SPEG: variants seen among roughly 807,000 people sequenced by gnomAD.
SPEG encodes striated muscle preferentially expressed protein kinase.
In SPEG, 114 loss-of-function variants were observed where a neutral mutation model predicts 300.4. That is an observed-to-expected ratio of 0.38 (90% CI 0.33 to 0.44). The LOEUF is 0.44. SPEG is among the 20% of genes least tolerant of loss of function. The probability of loss-of-function intolerance (pLI) is 1.00; values close to 1 mark genes in which losing one functional copy is unlikely to be tolerated. For synonymous variants in SPEG, 1,964 were observed against 2,018.9 expected, an observed-to-expected ratio of 0.97 and a Z score of 0.73; for missense variants, 4,201 against 4,586.2, an observed-to-expected ratio of 0.92 and a Z score of 2.43.
At position 219,473,434 on chromosome 2, in the gene SPEG, T is replaced by A. The variant is rs1468349995; in HGVS notation, c.4148-70T>A. 3.5e-6 allele frequency: 5 copies of A among 1,446,972 alleles called. No homozygotes were observed. The East Asian group carries it at 6.8e-5, about 20-fold the overall frequency. 89.6% of individuals were successfully genotyped at this position (1,446,972 alleles called of 1,614,324 possible). A position where few individuals can be genotyped will look rare whatever the true frequency, so the allele number is the denominator to read the frequency against. On this transcript the variant is annotated intron_variant, in intron 16 of 40. Coordinates refer to ENST00000312358, the MANE Select transcript of SPEG (RefSeq NM_005876.5). The surrounding 1 kb of genome is among the most constrained non-coding windows in gnomAD (Gnocchi z 4.6). The stretch of plus-strand genomic sequence containing the variant: ...GGAACTCAAGTGTTGATGAGGGGTG[T>A]TAGAGGAGTGGTGGGTGCTGAGGAC...
chr2:219,462,540 C>T lies in SPEG; in HGVS notation c.2705+154C>T, dbSNP rs34553082. The stretch of plus-strand genomic sequence containing the variant: ...CTCAGGGACAGCAGTGTACTCCCCC[C>T]GGCACCCTGTCCCTTGCCCCATGTT... On this transcript the variant is annotated intron_variant, in intron 8 of 40. Coordinates refer to ENST00000312358, the MANE Select transcript of SPEG (RefSeq NM_005876.5). 0.41 allele frequency among the ~76,000 whole-genome samples: 62,229 copies of T among 152,204 alleles called. 15,482 individuals carry two copies. Among genetic ancestry groups the T allele is most frequent in the East Asian group, 0.67 (3,449 of 5,176 alleles).
In SPEG at chr2:219,448,305, C is replaced by A. The variant is rs569504731; in HGVS notation, c.1147C>A (p.Arg383Ser). 2.5e-6 allele frequency: 4 copies of A among 1,607,752 alleles called. No individual in the cohort carries two copies. In the South Asian group the frequency reaches 3.3e-5, roughly 13 times the overall value. Residue 383 changes from arginine to serine, a missense_variant, in exon 4 of 41, where the codon CGC (arginine) becomes AGC (serine). Arg to Ser is a moderately radical substitution (Grantham distance 110). Around this residue, in one of 4 missense-constraint regions of SPEG, gnomAD observed 1,258 missense variants for 1,293.9 expected, o/e 0.97. Transcript: ENST00000312358. ...GACGCCACTGAGCGAGGCCTCAGGCCGCCTGTCGGCGTTGGGCCGATCGCC... is the reference window on the plus strand; with the variant it reads ...GACGCCACTGAGCGAGGCCTCAGGCAGCCTGTCGGCGTTGGGCCGATCGCC... ...PQTPLSEASG[R>S]LSALGRSPRL... is the part of the protein sequence containing the mutation.
At chr2:219,491,046 C>A in intron 38 of SPEG, 90 bp downstream of exon 38, 1 of 928,100 alleles carries the variant, frequency 1.1e-6, no homozygotes, top group Non-Finnish European at 1.7e-6. Flanking sequence ...TACATATGTG[C>A]CACTTATTGA....
chr2:219,460,859 G>T, intron 6 of SPEG: 1 of 986,310 alleles, frequency 1.0e-6, no homozygotes, highest in Non-Finnish European at 1.2e-6. Flanking sequence ...AGTGGGGCTG[G>T]GCAGGCTGGA....
Position 219,485,379 on chromosome 2 carries a change from G to A in SPEG, c.7643G>A (p.Gly2548Asp), listed in dbSNP as rs1368161482. 1 of 1,607,140 alleles carries A rather than the reference G, an allele frequency of 6.2e-7. No homozygotes were observed. Among genetic ancestry groups the A allele is most frequent in the South Asian group, 1.1e-5 (1 of 90,304 alleles). ...PGESRSRLRWGFSRPRKDKGL... is the reference protein window; with the variant it reads ...PGESRSRLRWDFSRPRKDKGL... The stretch of plus-strand genomic sequence containing the variant: ...GAAAGCCGAAGCCGGCTCCGCTGGG[G>A]CTTCTCTCGGCCGCGGAAGGACAAG... Residue 2548 changes from glycine (G) to aspartate (D), a missense_variant, in exon 31 of 41, where the codon GGC becomes GAC. By Grantham distance (94) the Gly-to-Asp change is moderately conservative (BLOSUM62 -1). Around this residue, in one of 4 missense-constraint regions of SPEG, gnomAD observed 1,578 missense variants for 1,506.0 expected, o/e 1.05. Transcript: ENST00000312358.
rs564483979 is a variant in SPEG, at chr2:219,448,919, G to A, written c.1761G>A (p.Gln587=). 1.4e-6 allele frequency: 2 copies of A among 1,477,394 alleles called. No individual in the cohort carries two copies. The highest frequency in any genetic ancestry group is 1.3e-5 in the South Asian group (1 of 75,800). The allele number at this position is 1,477,394 out of a possible 1,614,324, so 91.5% of individuals were successfully genotyped here. A position where few individuals can be genotyped will look rare whatever the true frequency, so the allele number is the denominator to read the frequency against. Residue 587 remains glutamine (Q), a synonymous_variant, in exon 4 of 41, where the codon CAG becomes CAA. Transcript: ENST00000312358. ...GGACAGAGCCGGGGGAAGGCCCGCA[G>A]CAGGAGGTTAGGCGTCGGGACCAAT... ...AGRTEPGEGP[Q]QEVRRRDQFP... is the part of the protein sequence containing the mutation.
intron 31 of SPEG, 79 bp downstream of exon 31, chr2:219,485,556 G>A (rs887859122): frequency 1.4e-6 from 2 of 1,441,570 alleles, no homozygotes; most frequent in African/African-American, 2.9e-5. Flanking sequence ...GTCATGGCTG[G>A]TGAGAGGTGG....
intron 9 of SPEG, chr2:219,466,302 G>C: frequency 7.0e-7 from 1 of 1,419,676 alleles, no homozygotes; most frequent in Non-Finnish European, 9.2e-7. Context: ...GAGGCCCACA[G>C]ATGGACTGAG....
In SPEG at chr2:219,479,604, G is replaced by A. The variant is rs557397056; in HGVS notation, c.5086-179G>A. ...CGCAATGGCTCCTCCCTATAATTGT[G>A]CTGTACCCTCCGGTGCATATGGTAG... On this transcript the variant is annotated intron_variant, in intron 23 of 40. Coordinates refer to ENST00000312358, the MANE Select transcript of SPEG (RefSeq NM_005876.5). This position sits in a 1 kb window ranked among gnomAD's most constrained non-coding sequence, Gnocchi z 5.5. 6.6e-6 allele frequency among the ~76,000 whole-genome samples: 1 copy of A among 152,278 alleles called. No individual in the cohort carries two copies. Among genetic ancestry groups the A allele is most frequent in the East Asian group, 1.9e-4 (1 of 5,186 alleles).
chr2:219,451,420 G>T lies in SPEG; in HGVS notation c.2257+141G>T. On this transcript the variant is annotated intron_variant, in intron 5 of 40. Transcript: ENST00000312358. The surrounding 1 kb of genome is among the most constrained non-coding windows in gnomAD (Gnocchi z 6.4). ...CCCTCCACGGGGGCTGCCCTGACTT[G>T]GGTGTGTGTTCAGGGACATTTCTCA... 7.9e-7 allele frequency: 1 copy of T among 1,270,416 alleles called. No individual in the cohort carries two copies. Among genetic ancestry groups the T allele is most frequent in the Non-Finnish European group, 1.1e-6 (1 of 947,446 alleles). 78.7% of individuals were successfully genotyped at this position (1,270,416 alleles called of 1,614,324 possible).
At chr2:219,472,115 C>T in intron 14 of SPEG, 112 bp from the exon 15 acceptor site, 1 of 1,517,418 alleles carries the variant, frequency 6.6e-7, no homozygotes, top group Admixed American at 1.8e-5. Flanking sequence ...CTTGCCTTGC[C>T]CCTGCCCCTG....
Position 219,483,668 on chromosome 2 carries a change from G to A in SPEG, c.6205G>A (p.Ala2069Thr). ...GEGEYAQRLQ[A>T]LRQRLLRGGP... ...GGGCGAGTATGCCCAGAGGCTGCAGGCCCTGCGCCAGCGGCTGCTGCGGGG... is the reference window on the plus strand; with the variant it reads ...GGGCGAGTATGCCCAGAGGCTGCAGACCCTGCGCCAGCGGCTGCTGCGGGG... The change falls in exon 30 of 41, where the codon GCC (alanine) becomes ACC (threonine). Residue 2069 changes from alanine (A) to threonine (T), a missense_variant. Physicochemically the swap from Ala to Thr is moderately conservative, Grantham distance 58 (BLOSUM62 0). Around this residue, in one of 4 missense-constraint regions of SPEG, gnomAD observed 1,578 missense variants for 1,506.0 expected, o/e 1.05. Coordinates refer to ENST00000312358, the MANE Select transcript of SPEG (RefSeq NM_005876.5). The A allele has an allele frequency of 6.5e-7, 1 of 1,534,034 alleles. No individual in the cohort carries two copies. The highest frequency in any genetic ancestry group is 8.7e-7 in the Non-Finnish European group (1 of 1,146,888).
intron 34 of SPEG, 57 bp downstream of exon 34, chr2:219,488,957 T>C (rs1693706238): frequency 6.3e-7 from 1 of 1,598,532 alleles, no homozygotes; most frequent in Non-Finnish European, 8.5e-7. Flanking sequence ...TAGAGGAGTC[T>C]GGTAAGGCCA....
Position 219,469,360 on chromosome 2 carries a change from C to A in SPEG, c.3696C>A (p.Asp1232Glu). The change falls in exon 13 of 41, where the codon GAC becomes GAA. Residue 1232 changes from aspartate to glutamate, a missense_variant. This residue lies in a region of SPEG where 1,047 missense variants were observed against 1,356.8 expected (regional missense o/e 0.77). Transcript: ENST00000312358. Reference protein sequence around the residue: ...FHNGHRIQSSDDRRMTQYRDV... With the variant: ...FHNGHRIQSSEDRRMTQYRDV... Reference sequence around the variant, plus strand: ...ATGGCCACCGCATCCAGAGCAGCGACGACCGGCGCATGACACAGTGTACGT... The same window carrying A: ...ATGGCCACCGCATCCAGAGCAGCGAAGACCGGCGCATGACACAGTGTACGT... The A allele has an allele frequency of 6.2e-7, 1 of 1,613,580 alleles. No homozygotes were observed. Among genetic ancestry groups the A allele is most frequent in the Admixed American group, 1.7e-5 (1 of 60,002 alleles).
chr2:219,447,374 G>A (rs559568853), intron 3 of SPEG, among the ~76,000 whole-genome samples: 8 of 152,278 alleles, frequency 5.3e-5, no homozygotes, highest in South Asian at 2.1e-4. Context: ...CAGTGCTCGG[G>A]GTGGCGGCAG....
At position 219,476,965 on chromosome 2, in the gene SPEG, G is replaced by T. The variant is rs769128816; in HGVS notation, c.4543G>T (p.Asp1515Tyr). 2 of 1,610,700 alleles carry T rather than the reference G, an allele frequency of 1.2e-6. No individual in the cohort carries two copies. Among genetic ancestry groups the T allele is most frequent in the Admixed American group, 3.3e-5 (2 of 59,790 alleles). Reference protein sequence around the residue: ...AVVVEGKPLPDIMWYKDEVLL... With the variant: ...AVVVEGKPLPYIMWYKDEVLL... The stretch of plus-strand genomic sequence containing the variant: ...GGTGGTCGAGGGAAAACCACTGCCG[G>T]ACATCATGTGGTACAAGGTCAGAGT... The change falls in exon 19 of 41, where the codon GAC becomes TAC. Residue 1515 changes from aspartate to tyrosine, a missense_variant. Physicochemically the swap from Asp to Tyr is radical, Grantham distance 160. Coordinates refer to ENST00000312358, the MANE Select transcript of SPEG (RefSeq NM_005876.5).
chr2:219,454,281 G>A (rs1317222174), intron 6 of SPEG, among the ~76,000 whole-genome samples: 1 of 152,136 alleles, frequency 6.6e-6, no homozygotes, highest in East Asian at 1.9e-4. Context: ...AAAGGAGCTG[G>A]TCCTCACCAG....
Position 219,488,197 on chromosome 2 carries a change from T to TC in SPEG, c.7751dup (p.Val2585SerfsTer72), listed in dbSNP as rs35286120. 1 of 1,609,942 alleles carries TC rather than the reference T, an allele frequency of 6.2e-7. No homozygotes were observed. Among genetic ancestry groups the TC allele is most frequent in the Non-Finnish European group, 8.5e-7 (1 of 1,177,166 alleles). On this transcript the variant is annotated frameshift_variant, in exon 32 of 41. Transcript: ENST00000312358. LOFTEE classifies it high-confidence loss of function. ...GCTGTCTCTGCTTTTCCTCCAGACT[T>TC]CCCCCCAGTCTTCCACATCAAACTC...
At chr2:219,460,485 C>T (rs1286048285) in intron 6 of SPEG, 14 of 985,362 alleles carry the variant, frequency 1.4e-5, no homozygotes, top group Non-Finnish European at 1.7e-5. Context: ...CCTATTGGCA[C>T]AGCGCAGTGC....
Sources: gnomAD v4.1 joint callset for allele counts (sites outside exome capture counted in the v4.1 genomes callset) on GRCh38, gnomAD v4.1.1 for gene constraint, gnomAD v4.1.1 regional missense constraint, Gnocchi (gnomAD v3.1) non-coding constraint, MANE v1.5 for transcripts, NCBI Gene and HGNC (gene_info 2026-07-23, HGNC 2026-07-21) for gene names.